Variants in FRMD4B observed in about 807,000 individuals in gnomAD.
FRMD4B encodes FERM domain containing 4B, also known as FERM domain-containing protein 4B.
In FRMD4B, 74 loss-of-function variants were observed where a neutral mutation model predicts 141.5. The observed-to-expected ratio is 0.52, with a 90% CI of 0.43 to 0.63. The LOEUF (loss-of-function observed/expected upper bound fraction) is 0.63, where lower values mean the gene tolerates loss of function less well. Among genes scored for constraint, FRMD4B ranks in the 30% least tolerant of loss-of-function variants. FRMD4B has a pLI of 0.00. For synonymous variants in FRMD4B, 506 were observed against 467.9 expected (o/e 1.08, Z -1.05); for missense variants, 1,366 against 1,253.4 (o/e 1.09, Z -1.36).
chr3:69,327,366 C>T (rs1702220446), intron 1 of FRMD4B, among the ~76,000 whole-genome samples: 1 of 152,162 alleles, frequency 6.6e-6, no homozygotes, highest in Non-Finnish European at 1.5e-5. Flanking sequence ...TAGGTATTGC[C>T]TATTCACGGT....
At chr3:69,441,273 G>T (rs533081310) in intron 1 of FRMD4B, among the ~76,000 whole-genome samples, 1 of 151,976 alleles carries the variant, frequency 6.6e-6, no homozygotes, top group Admixed American at 6.5e-5. Flanking sequence ...TTTTTCTAAG[G>T]TTAGTCAAGT....
chr3:69,265,268 AAATATATATATAT>A (rs1364170641), intron 5 of FRMD4B, among the ~76,000 whole-genome samples: 24 of 28,862 alleles, frequency 8.3e-4, no homozygotes, highest in East Asian at 1.9e-3. Flanking sequence ...AAAAAAAAAA[AAATATATATATAT>A]ATATATATAT....
intron 9 of FRMD4B, among the ~76,000 whole-genome samples, chr3:69,218,834 CTA>C (rs1442943033): frequency 1.3e-5 from 2 of 152,140 alleles, no homozygotes; most frequent in African/African-American, 4.8e-5. Context: ...TACTTTAAAA[CTA>C]TGAATTATGG....
rs373565621 is a variant in FRMD4B, at chr3:69,196,338, C to T, written c.1151G>A (p.Gly384Glu). 1.2e-6 allele frequency: 2 copies of T among 1,611,466 alleles called. No individual in the cohort carries two copies. The highest frequency in any genetic ancestry group is 1.7e-6 in the Non-Finnish European group (2 of 1,178,700). Residue 384 changes from glycine (G) to glutamate (E), a missense_variant, in exon 14 of 23, where the codon GGA (glycine) becomes GAA (glutamate). Transcript: ENST00000398540. ...DEIAMDLTET[G>E]TQRASKLVTL... ...CACCAGCTTGGAGGCCCTTTGTGTT[C>T]CTGTCTCTGTCAAATCCATTGCAAT...
chr3:69,325,580 A>C (rs1434082709), intron 1 of FRMD4B, among the ~76,000 whole-genome samples: 1 of 152,226 alleles, frequency 6.6e-6, no homozygotes, highest in Admixed American at 6.5e-5. Context: ...TTTGTGTCCC[A>C]GCCCTGCTAT....
chr3:69,343,038 C>T (rs969702338), intron 1 of FRMD4B, among the ~76,000 whole-genome samples: 6 of 152,128 alleles, frequency 3.9e-5, no homozygotes, highest in Admixed American at 6.6e-5. Context: ...GCTGCAGCCT[C>T]GGACTCCTGG....
At chr3:69,370,108 T>G (rs1703783179) in intron 1 of FRMD4B, among the ~76,000 whole-genome samples, 1 of 147,438 alleles carries the variant, frequency 6.8e-6, no homozygotes. Context: ...TTGCTTTTGT[T>G]CCTGTTTTTT....
chr3:69,373,716 A>G (rs1703892265), intron 1 of FRMD4B, among the ~76,000 whole-genome samples: 1 of 152,116 alleles, frequency 6.6e-6, no homozygotes, highest in African/African-American at 2.4e-5. Context: ...AAAATAAAAA[A>G]ATACAAAAAA....
At chr3:69,335,125 T>C (rs564464081) in intron 1 of FRMD4B, among the ~76,000 whole-genome samples, 2 of 152,252 alleles carry the variant, frequency 1.3e-5, no homozygotes, top group South Asian at 2.1e-4. Context: ...CTATGAGCTA[T>C]GGTCACGCCA....
chr3:69,209,614 T>C (rs2093056674), intron 11 of FRMD4B, among the ~76,000 whole-genome samples: 1 of 152,228 alleles, frequency 6.6e-6, no homozygotes, highest in Non-Finnish European at 1.5e-5. Flanking sequence ...CTGGTTCTTA[T>C]TTCAAATCCA....
intron 5 of FRMD4B, among the ~76,000 whole-genome samples, chr3:69,256,142 T>C (rs2093491600): frequency 6.6e-6 from 1 of 152,038 alleles, no homozygotes; most frequent in African/African-American, 2.4e-5. Flanking sequence ...GGATGCTGTC[T>C]AGGATGCTCT....
At chr3:69,388,589 C>T (rs990413953), upstream of FRMD4B, among the ~76,000 whole-genome samples, 1 of 152,176 alleles carries the variant, frequency 6.6e-6, no homozygotes, top group African/African-American at 2.4e-5. Context: ...CAGATCTCCT[C>T]TCCTCAGGAC....
chr3:69,452,022 T>G (rs929087033), intron 1 of FRMD4B, among the ~76,000 whole-genome samples: 1 of 152,206 alleles, frequency 6.6e-6, no homozygotes, highest in African/African-American at 2.4e-5. Flanking sequence ...ACAAAACAAA[T>G]GTTTACAATA....
At chr3:69,173,458 T>C (rs777495023) in intron 22 of FRMD4B, among the ~76,000 whole-genome samples, 45 of 152,216 alleles carry the variant, frequency 3.0e-4, no homozygotes, top group Non-Finnish European at 4.6e-4. Flanking sequence ...ATTTCAAATC[T>C]TTGGCTTAAC....
chr3:69,309,989 G>A (rs1323649122), intron 3 of FRMD4B, among the ~76,000 whole-genome samples: 1 of 152,190 alleles, frequency 6.6e-6, no homozygotes, highest in Non-Finnish European at 1.5e-5. Context: ...ATGCATGTCG[G>A]CATTTCCCAT....
At chr3:69,521,149 C>T (rs2107130273) in intron 1 of FRMD4B, among the ~76,000 whole-genome samples, 1 of 152,252 alleles carries the variant, frequency 6.6e-6, no homozygotes, top group African/African-American at 2.4e-5. Context: ...CAGATGGTCC[C>T]CCACCCTGCA....
At chr3:69,426,291 T>C (rs2106822038) in intron 2 of FRMD4B, among the ~76,000 whole-genome samples, 1 of 151,790 alleles carries the variant, frequency 6.6e-6, no homozygotes, top group South Asian at 2.1e-4. Context: ...AGGTTTTCAT[T>C]ATTGTGGATT....
chr3:69,540,658 T>TACACACAC (rs1235500081), intron 1 of FRMD4B, among the ~76,000 whole-genome samples: 71 of 76,886 alleles, frequency 9.2e-4, no homozygotes, highest in African/African-American at 4.5e-3. Context: ...TATATATATA[T>TACACACAC]ATACACACAC....
chr3:69,228,258 C>T (rs2107773079), intron 7 of FRMD4B: 1 of 452,174 alleles, frequency 2.2e-6, no homozygotes, highest in South Asian at 1.6e-5. Flanking sequence ...AAATTCTACA[C>T]TAATACTCTA....
Sources: gnomAD v4.1 joint callset for allele counts (sites outside exome capture counted in the v4.1 genomes callset) on GRCh38, gnomAD v4.1.1 for gene constraint, MANE v1.5 for transcripts, NCBI Gene and HGNC (gene_info 2026-07-23, HGNC 2026-07-21) for gene names.